KAZN: variants seen among roughly 807,000 people sequenced by gnomAD.
KAZN encodes the protein kazrin, periplakin interacting protein.
KAZN carries 40 observed loss-of-function variants against 87.4 expected under a neutral mutation model. The observed-to-expected ratio is 0.46, with a 90% CI of 0.36 to 0.60. The LOEUF is 0.60. KAZN is among the 20% of genes least tolerant of loss of function. The probability of loss-of-function intolerance (pLI) is 0.00; values close to 1 mark genes in which losing one functional copy is unlikely to be tolerated. For synonymous variants in KAZN, 466 were observed against 458.3 expected (o/e 1.02, Z -0.22); for missense variants, 898 against 1,073.9 (o/e 0.84, Z 2.29).
intron 1 of KAZN, among the ~76,000 whole-genome samples, chr1:14,000,819 G>A (rs1267588174): frequency 2.0e-5 from 3 of 150,270 alleles, no homozygotes; most frequent in Non-Finnish European, 4.4e-5. Flanking sequence ...GTCTCGCTCT[G>A]TCGCCCAGGC....
chr1:14,489,180 A>G (rs906946797), intron 2 of KAZN, among the ~76,000 whole-genome samples: 1 of 152,138 alleles, frequency 6.6e-6, no homozygotes, highest in Non-Finnish European at 1.5e-5. Context: ...GAAAAATTGG[A>G]AATGTGAAAA....
At chr1:14,911,608 C>T (rs1040234555) in intron 1 of KAZN, among the ~76,000 whole-genome samples, 1 of 152,210 alleles carries the variant, frequency 6.6e-6, no homozygotes, top group African/African-American at 2.4e-5. Context: ...ACTGGGAGAG[C>T]CCACACCCTT....
intron 1 of KAZN, among the ~76,000 whole-genome samples, chr1:14,050,337 TGTA>T (rs1157962323): frequency 6.6e-6 from 1 of 152,222 alleles, no homozygotes; most frequent in African/African-American, 2.4e-5. Flanking sequence ...GTTAGGCCCC[TGTA>T]GTAGTCTGTT....
intron 2 of KAZN, among the ~76,000 whole-genome samples, chr1:14,543,815 C>T (rs1672961039): frequency 6.6e-6 from 1 of 152,098 alleles, no homozygotes. Context: ...TAGCGCTGCT[C>T]CTGTAAGCAA....
At chr1:14,665,966 A>C (rs1020519482) in intron 1 of KAZN, among the ~76,000 whole-genome samples, 2 of 151,276 alleles carry the variant, frequency 1.3e-5, no homozygotes, top group African/African-American at 4.9e-5. Context: ...ACATACAGAA[A>C]GGTCAGGAGA....
intron 2 of KAZN, among the ~76,000 whole-genome samples, chr1:14,999,099 T>C (rs1450674202): frequency 1.3e-5 from 2 of 152,188 alleles, no homozygotes; most frequent in African/African-American, 4.8e-5. Flanking sequence ...GGCAGGAGAA[T>C]CGCTTGAGCC....
intron 1 of KAZN, among the ~76,000 whole-genome samples, chr1:14,881,263 A>C (rs576260906): frequency 2.6e-5 from 4 of 152,362 alleles, no homozygotes; most frequent in African/African-American, 7.2e-5. Context: ...AAAATCCAGC[A>C]GGGTGACAGG....
intron 1 of KAZN, among the ~76,000 whole-genome samples, chr1:14,706,717 G>T (rs907465485): frequency 2.0e-5 from 3 of 152,162 alleles, no homozygotes; most frequent in African/African-American, 7.2e-5. Flanking sequence ...AATCTGGGGG[G>T]AAAGGAGACA....
chr1:14,178,239 A>G (rs1646126645), intron 1 of KAZN, among the ~76,000 whole-genome samples: 1 of 152,268 alleles, frequency 6.6e-6, no homozygotes, highest in East Asian at 1.9e-4. Context: ...TCCTTTATAA[A>G]TTACCCAGTC....
chr1:14,256,927 C>T (rs1469289168), intron 2 of KAZN, among the ~76,000 whole-genome samples: 1 of 152,166 alleles, frequency 6.6e-6, no homozygotes, highest in Non-Finnish European at 1.5e-5. Flanking sequence ...GTGTTCCTCT[C>T]CCACTCCTGC....
At chr1:14,463,180 C>T (rs970516133) in intron 2 of KAZN, among the ~76,000 whole-genome samples, 2 of 152,186 alleles carry the variant, frequency 1.3e-5, no homozygotes, top group African/African-American at 4.8e-5. Flanking sequence ...TGGATCATTG[C>T]TACGGAAAAA....
rs1418631955 is a variant in KAZN, at chr1:15,103,362, C to A, written c.1783C>A (p.Leu595Ile). The change falls in exon 12 of 15, where the codon CTC becomes ATC. Residue 595 changes from leucine (L) to isoleucine (I), a missense_variant. Coordinates refer to ENST00000376030, the MANE Select transcript of KAZN (RefSeq NM_201628.3). ...LYQVNFSREALQERRARCETQ... is the reference protein window; with the variant it reads ...LYQVNFSREAIQERRARCETQ... ...TGACCCACTGTCTCCCCACAAGGCC[C>A]TCCAGGAGCGCCGGGCCCGCTGCGA... 2 of 1,551,222 alleles carry A rather than the reference C, an allele frequency of 1.3e-6. No homozygotes were observed. Among genetic ancestry groups the A allele is most frequent in the Non-Finnish European group, 1.7e-6 (2 of 1,146,862 alleles).
At chr1:14,353,834 TTAAGA>T (rs1341995659) in intron 2 of KAZN, among the ~76,000 whole-genome samples, 1 of 152,196 alleles carries the variant, frequency 6.6e-6, no homozygotes, top group Non-Finnish European at 1.5e-5. Context: ...CTCAGTATTA[TTAAGA>T]TATCAATTCT....
upstream of KAZN, among the ~76,000 whole-genome samples, chr1:14,598,117 G>A (rs895989502): frequency 2.0e-5 from 3 of 152,144 alleles, no homozygotes; most frequent in Admixed American, 6.5e-5. The surrounding 1 kb of genome is among the most constrained non-coding windows in gnomAD (Gnocchi z 4.2). Flanking sequence ...TGGAGAGGCG[G>A]GAGCACCAGC....
At chr1:13,900,861 C>T (rs55716034) in intron 1 of KAZN, among the ~76,000 whole-genome samples, 26,214 of 152,010 alleles carry the variant, frequency 0.17, 2,452 homozygotes, top group East Asian at 0.39. Context: ...TTCACAGTGC[C>T]TGACACAGAA....
intron 1 of KAZN, among the ~76,000 whole-genome samples, chr1:14,928,120 C>T (rs1032515837): frequency 2.6e-5 from 4 of 152,226 alleles, no homozygotes; most frequent in Non-Finnish European, 5.9e-5. Flanking sequence ...TAGACCTCAG[C>T]AGTATGGAAA....
rs146726230 is a variant in KAZN at position 14,591,477 on chromosome 1, ATGCACT to A, written c.250-7498_250-7493del. Among the ~76,000 whole-genome samples the A allele has an allele frequency of 8.7e-4, 133 of 152,118 alleles. 1 individual carries two copies. Among genetic ancestry groups the A allele is most frequent in the African/African-American group, 2.6e-3 (106 of 41,466 alleles). ...AAGAAAGATTCAAGGAGGGAAAAAA[ATGCACT>A]TGCACTTCTACCAAGGAATTAGAGA... On this transcript the variant is annotated intron_variant, in intron 2 of 16. Transcript: ENST00000636203.
intron 1 of KAZN, among the ~76,000 whole-genome samples, chr1:14,897,206 C>T (rs183344671): frequency 6.6e-6 from 1 of 152,264 alleles, no homozygotes; most frequent in Admixed American, 6.5e-5. Context: ...TTGCATAAGC[C>T]AGAGTCCCAG....
intron 1 of KAZN, among the ~76,000 whole-genome samples, chr1:14,748,536 C>T (rs1644323415): frequency 6.6e-6 from 1 of 152,178 alleles, no homozygotes; most frequent in Admixed American, 6.5e-5. Context: ...ATGATTGAGC[C>T]TCCTTGTAGA....
Sources: allele counts gnomAD v4.1 joint callset (sites outside exome capture counted in the v4.1 genomes callset), GRCh38; gene constraint gnomAD v4.1.1; non-coding constraint Gnocchi (gnomAD v3.1); transcripts MANE v1.5; gene names NCBI Gene and HGNC (gene_info 2026-07-23, HGNC 2026-07-21).